Variants in HCN4 observed in about 807,000 individuals in gnomAD.
The protein encoded by HCN4 is potassium/sodium hyperpolarization-activated cyclic nucleotide-gated channel 4.
HCN4 carries 29 observed loss-of-function variants against 76.9 expected under a neutral mutation model. The observed-to-expected ratio is 0.38, with a 90% CI of 0.28 to 0.51. The LOEUF is 0.51. Ranked by LOEUF, HCN4 falls within the 20% of genes least tolerant of loss-of-function variation. The probability of loss-of-function intolerance (pLI) is 0.90; values close to 1 mark genes in which losing one functional copy is unlikely to be tolerated. For synonymous variants in HCN4, 772 were observed against 762.5 expected (o/e 1.01, Z -0.21); for missense variants, 1,416 against 1,715.2 (o/e 0.83, Z 3.08).
Position 73,329,671 on chromosome 15 carries a change from T to G in HCN4, c.1492A>C (p.Ser498Arg), listed in dbSNP as rs1330225452. ...TAGCAGGTGGCACCCACGATCATGC[T>G]GAGCATGGTGAGCCAGACGTCGGAC... is the stretch of plus-strand genomic sequence containing the variant. Reference protein sequence around the residue: ...GMSDVWLTMLSMIVGATCYAM... With the variant: ...GMSDVWLTMLRMIVGATCYAM... The change falls in exon 4 of 8, where the codon AGC becomes CGC. Residue 498 changes from serine to arginine, a missense_variant. Around this residue, in one of 6 missense-constraint regions of HCN4, gnomAD observed 112 missense variants for 259.9 expected, o/e 0.43. Transcript: ENST00000261917. 1 of 1,614,070 alleles carries G rather than the reference T, an allele frequency of 6.2e-7. No individual in the cohort carries two copies. Among genetic ancestry groups the G allele is most frequent in the Non-Finnish European group, 8.5e-7 (1 of 1,180,016 alleles).
At chr15:73,331,573 T>C (rs2042932584) in intron 3 of HCN4, among the ~76,000 whole-genome samples, 1 of 152,170 alleles carries the variant, frequency 6.6e-6, no homozygotes, top group Admixed American at 6.5e-5. Flanking sequence ...CCGGGACACA[T>C]GTGCTTGCCA....
Position 73,368,119 on chromosome 15 carries a change from C to T in HCN4, c.152G>A (p.Arg51Gln), listed in dbSNP as rs1425211418. The change falls in exon 1 of 8, where the codon CGG becomes CAG. Residue 51 changes from arginine to glutamine, a missense_variant. Arg to Gln is a conservative substitution (Grantham distance 43). Transcript: ENST00000261917. This position sits in a 1 kb window ranked among gnomAD's most constrained non-coding sequence, Gnocchi z 6.9. ...QDPSRRSIRL[R>Q]PLPSPSPSAA... is the part of the protein sequence containing the mutation. ...CGAGGGGGAGGGCGAGGGCAGTGGCCGCAGCCGGATGCTCCTGCGGCTGGG... is the reference window on the plus strand; with the variant it reads ...CGAGGGGGAGGGCGAGGGCAGTGGCTGCAGCCGGATGCTCCTGCGGCTGGG... 7 of 1,508,514 alleles carry T rather than the reference C, an allele frequency of 4.6e-6. No homozygotes were observed. The Admixed American group carries it at 8.3e-5, about 18-fold the overall frequency. 93.4% of individuals were successfully genotyped at this position (1,508,514 alleles called of 1,614,324 possible).
chr15:73,323,477 G>A lies in HCN4; in HGVS notation c.2616C>T (p.Ser872=), dbSNP rs773525527. 2 of 1,605,480 alleles carry A rather than the reference G, an allele frequency of 1.2e-6. No homozygotes were observed. The highest frequency in any genetic ancestry group is 1.7e-4 in the Middle Eastern group (1 of 6,056). ...AGGAGCTGGATGAGGGCAGGAGTGG[G>A]CTCAGTCCAGCGGGGGCAGAGAATC... ...LAGFSAPAGL[S]PLLPSSSSSP... The change falls in exon 8 of 8, where the codon AGC becomes AGT. Residue 872 remains serine (S), a synonymous_variant. Transcript: ENST00000261917.
chr15:73,343,600 G>C lies in HCN4; in HGVS notation c.994C>G (p.Arg332Gly). ...DNTEIILDPQ[R>G]IKMKYLKSWF... The stretch of plus-strand genomic sequence containing the variant: ...CTTTTCAGGTACTTCATTTTAATCC[G>C]CTGCGGGTCCAGGATGATCTCTGTG... Residue 332 changes from arginine (R) to glycine (G), a missense_variant, in exon 2 of 8, where the codon CGG (arginine) becomes GGG (glycine). Physicochemically the swap from Arg to Gly is moderately radical, Grantham distance 125. Around this residue, in one of 6 missense-constraint regions of HCN4, gnomAD observed 23 missense variants for 19.1 expected, o/e 1.21. Coordinates refer to ENST00000261917, the MANE Select transcript of HCN4 (RefSeq NM_005477.3). The surrounding 1 kb of genome is among the most constrained non-coding windows in gnomAD (Gnocchi z 5.7). The C allele has an allele frequency of 6.2e-7, 1 of 1,614,106 alleles. No individual in the cohort carries two copies. The highest frequency in any genetic ancestry group is 1.1e-5 in the South Asian group (1 of 91,078).
chr15:73,352,861 G>A (rs1473596076), intron 1 of HCN4, among the ~76,000 whole-genome samples: 2 of 152,228 alleles, frequency 1.3e-5, no homozygotes, highest in African/African-American at 4.8e-5. Flanking sequence ...AGACCCAGGA[G>A]GAGTCTTAGG....
intron 1 of HCN4, among the ~76,000 whole-genome samples, chr15:73,362,506 G>A (rs1165526752): frequency 5.3e-5 from 8 of 152,256 alleles, no homozygotes; most frequent in Non-Finnish European, 8.8e-5. Context: ...CGCCGGGTGA[G>A]TCGGATGACA....
chr15:73,351,127 T>C (rs1206628779), intron 1 of HCN4, among the ~76,000 whole-genome samples: 3 of 152,140 alleles, frequency 2.0e-5, no homozygotes, highest in Non-Finnish European at 4.4e-5. Context: ...CTGCAGACAG[T>C]CTCCTCCTTG....
rs2042938946 is a variant in HCN4, at chr15:73,332,450, G to C, written c.1210-158C>G. Among the ~76,000 whole-genome samples the C allele has an allele frequency of 2.0e-5, 3 of 152,232 alleles. No individual in the cohort carries two copies. The South Asian group carries it at 6.2e-4, about 32-fold the overall frequency. The stretch of plus-strand genomic sequence containing the variant: ...TCCAGGCTGGGGGTGGGATGGGAAG[G>C]CGTCAGTCTAGGTCTTGGAAGAGGA... On this transcript the variant is annotated intron_variant, in intron 2 of 7. Transcript: ENST00000261917.
intron 1 of HCN4, among the ~76,000 whole-genome samples, chr15:73,355,455 C>T (rs987114169): frequency 6.6e-6 from 1 of 152,130 alleles, no homozygotes; most frequent in African/African-American, 2.4e-5. Flanking sequence ...CACGGAAGAA[C>T]GCGCACCTCA....
intron 1 of HCN4, among the ~76,000 whole-genome samples, chr15:73,358,665 G>C (rs1461293375): frequency 6.6e-6 from 1 of 152,174 alleles, no homozygotes; most frequent in Non-Finnish European, 1.5e-5. Context: ...GAAGGGCAGG[G>C]ACTAAGGAGT....
intron 1 of HCN4, among the ~76,000 whole-genome samples, chr15:73,359,726 A>G (rs1392155620): frequency 2.0e-5 from 3 of 152,192 alleles, no homozygotes; most frequent in Non-Finnish European, 4.4e-5. Flanking sequence ...AGTTCTAGCC[A>G]TGGTCACAGA....
At chr15:73,349,859 T>C (rs2043046147) in intron 1 of HCN4, among the ~76,000 whole-genome samples, 1 of 152,216 alleles carries the variant, frequency 6.6e-6, no homozygotes, top group African/African-American at 2.4e-5. Flanking sequence ...TCAAGGACTT[T>C]GGCAATGCTG....
At chr15:73,332,584 C>T (rs1298176236) in intron 2 of HCN4, among the ~76,000 whole-genome samples, 1 of 152,164 alleles carries the variant, frequency 6.6e-6, no homozygotes, top group Non-Finnish European at 1.5e-5. Context: ...CACCTGGAGC[C>T]CCATGCAGCC....
At chr15:73,356,710 G>C (rs147376260) in intron 1 of HCN4, among the ~76,000 whole-genome samples, 1 of 152,004 alleles carries the variant, frequency 6.6e-6, no homozygotes, top group Non-Finnish European at 1.5e-5. Context: ...TGGAGGGAAC[G>C]GGCTGCCTTC....
At position 73,368,676 on chromosome 15, in the gene HCN4, C is replaced by A. The variant is rs953038532; in HGVS notation, c.-406G>T. The A allele has an allele frequency of 6.5e-6, 1 of 152,966 alleles. No homozygotes were observed. Among genetic ancestry groups the A allele is most frequent in the African/African-American group, 2.4e-5 (1 of 41,452 alleles). The allele number at this position is 152,966 out of a possible 1,614,324, so 9.5% of individuals were successfully genotyped here. On this transcript the variant is annotated 5_prime_UTR_variant, in exon 1 of 8. Transcript: ENST00000261917. The surrounding 1 kb of genome is among the most constrained non-coding windows in gnomAD (Gnocchi z 6.9). ...TCCGGAGTGCAGAGCGCACGGCCCG[C>A]GCGGGTCCCGGGCGTGCGTCCCGCG...
Position 73,359,527 on chromosome 15 carries a change from G to A in HCN4, c.785+7959C>T, listed in dbSNP as rs962701614. On this transcript the variant is annotated intron_variant, in intron 1 of 7. Transcript: ENST00000261917. ...AGCTTCCTAAAGGGGGGCGGGGCAC[G>A]AAGGTAGAGTCCTGAGCCTTGGTAC... Among the ~76,000 whole-genome samples, 17 of 152,240 alleles carry A rather than the reference G, an allele frequency of 1.1e-4. No homozygotes were observed. The East Asian group carries it at 2.1e-3, about 19-fold the overall frequency.
At chr15:73,360,461 T>C (rs948637884) in intron 1 of HCN4, among the ~76,000 whole-genome samples, 2 of 152,262 alleles carry the variant, frequency 1.3e-5, no homozygotes, top group African/African-American at 2.4e-5. Context: ...ATCCATTTTC[T>C]GTGCCTGCTG....
chr15:73,348,126 A>G (rs1465562124), intron 1 of HCN4, among the ~76,000 whole-genome samples: 2 of 152,238 alleles, frequency 1.3e-5, no homozygotes, highest in African/African-American at 2.4e-5. Context: ...TGTGAGAGGA[A>G]GTTCATAGCC....
At chr15:73,326,515 C>T (rs1425768338) in intron 4 of HCN4, among the ~76,000 whole-genome samples, 2 of 152,144 alleles carry the variant, frequency 1.3e-5, no homozygotes, top group Admixed American at 1.3e-4. Context: ...GAGAGTCCCT[C>T]CCCTGACCCC....
Sources: allele counts gnomAD v4.1 joint callset (sites outside exome capture counted in the v4.1 genomes callset), GRCh38; gene constraint gnomAD v4.1.1; regional missense constraint gnomAD v4.1.1; non-coding constraint Gnocchi (gnomAD v3.1); transcripts MANE v1.5; gene names NCBI Gene and HGNC (gene_info 2026-07-23, HGNC 2026-07-21).